USP8: variants seen among roughly 807,000 people sequenced by gnomAD.
USP8 encodes ubiquitin specific peptidase 8.
Under a neutral mutation model 130.0 loss-of-function variants are expected in USP8, and 27 were observed. The ratio of observed to expected loss-of-function variants is 0.21; its 90% CI spans 0.15 to 0.29. The LOEUF (loss-of-function observed/expected upper bound fraction) is 0.29, where lower values mean the gene tolerates loss of function less well. Ranked by LOEUF, USP8 falls within the 10% of genes least tolerant of loss-of-function variation. The pLI, the probability that USP8 is intolerant of heterozygous loss-of-function variation, is 1.00. For synonymous variants in USP8, 392 were observed against 444.1 expected, an observed-to-expected ratio of 0.88 and a Z score of 1.48; for missense variants, 1,029 against 1,312.2, an observed-to-expected ratio of 0.78 and a Z score of 3.33.
intron 4 of USP8, among the ~76,000 whole-genome samples, chr15:50,450,060 A>G (rs2050575584): frequency 6.7e-6 from 1 of 149,040 alleles, no homozygotes; most frequent in Non-Finnish European, 1.5e-5. Flanking sequence ...CACCCGGCTA[A>G]TTTTTTGTAT....
intron 17 of USP8, among the ~76,000 whole-genome samples, chr15:50,496,415 A>G (rs578107442): frequency 1.4e-5 from 2 of 146,772 alleles, no homozygotes; most frequent in Non-Finnish European, 3.0e-5. Context: ...CTGGAGGCGG[A>G]GTTTACAGTG....
chr15:50,476,160 A>G (rs2051560452), intron 8 of USP8, among the ~76,000 whole-genome samples: 1 of 152,184 alleles, frequency 6.6e-6, no homozygotes, highest in Admixed American at 6.5e-5. Flanking sequence ...GGCCATGTGC[A>G]GCGGCTCACG....
At chr15:50,468,951 G>A (rs1245133790) in intron 7 of USP8, among the ~76,000 whole-genome samples, 2 of 151,666 alleles carry the variant, frequency 1.3e-5, no homozygotes, top group East Asian at 1.9e-4. Flanking sequence ...GTTACTACCC[G>A]TATCCCACTG....
At chr15:50,451,154 T>C (rs537655003) in intron 4 of USP8, among the ~76,000 whole-genome samples, 1 of 152,334 alleles carries the variant, frequency 6.6e-6, no homozygotes, top group Admixed American at 6.5e-5. Context: ...AGTCCTGTAA[T>C]GCCTGCACTT....
intron 7 of USP8, among the ~76,000 whole-genome samples, chr15:50,469,065 A>G (rs977125485): frequency 2.0e-5 from 3 of 152,152 alleles, no homozygotes; most frequent in South Asian, 2.1e-4. Context: ...TCTGTCTTCT[A>G]TACCCAACCT....
chr15:50,466,315 T>G (rs1332106154), intron 7 of USP8, among the ~76,000 whole-genome samples: 4 of 152,094 alleles, frequency 2.6e-5, no homozygotes, highest in Non-Finnish European at 4.4e-5. Context: ...TTAGAGCTCT[T>G]AGGCCGGGCA....
intron 4 of USP8, among the ~76,000 whole-genome samples, chr15:50,452,804 G>A (rs1353537154): frequency 6.6e-6 from 1 of 152,174 alleles, no homozygotes; most frequent in Admixed American, 6.5e-5. Flanking sequence ...CAAACACTTA[G>A]ATGGTGTCTG....
intron 14 of USP8, 70 bp downstream of exon 14, chr15:50,490,595 A>T: frequency 1.3e-6 from 2 of 1,542,406 alleles, no homozygotes; most frequent in Non-Finnish European, 1.7e-6. Context: ...TGAATCTGTC[A>T]GTATGTTAGT....
chr15:50,458,265 C>T (rs1194656159), intron 4 of USP8, among the ~76,000 whole-genome samples: 1 of 152,164 alleles, frequency 6.6e-6, no homozygotes, highest in Non-Finnish European at 1.5e-5. Context: ...GATTCTCCTG[C>T]CTCAGCTTCC....
chr15:50,456,633 C>T (rs1293240592), intron 4 of USP8, among the ~76,000 whole-genome samples: 1 of 151,996 alleles, frequency 6.6e-6, no homozygotes, highest in South Asian at 2.1e-4. Flanking sequence ...CCCCTGTAAT[C>T]CCAGCACTTT....
At position 50,465,169 on chromosome 15, in the gene USP8, C is replaced by T. The variant is rs1443618535; in HGVS notation, c.664C>T (p.Pro222Ser). The change falls in exon 7 of 20, where the codon CCT becomes TCT. Residue 222 changes from proline to serine, a missense_variant. Around this residue, in one of 4 missense-constraint regions of USP8, gnomAD observed 281 missense variants for 336.7 expected, o/e 0.83. Coordinates refer to ENST00000307179, the MANE Select transcript of USP8 (RefSeq NM_005154.5). The stretch of plus-strand genomic sequence containing the variant: ...CTGTATTTTACATTCTCTCAGTGTT[C>T]CTGAAGAAGCCATCAGTCCAGGGTG... ...DSCILHSLSVPEEAISPGVTA... is the reference protein window; with the variant it reads ...DSCILHSLSVSEEAISPGVTA... 1 of 1,613,784 alleles carries T rather than the reference C, an allele frequency of 6.2e-7. No individual in the cohort carries two copies. The highest frequency in any genetic ancestry group is 2.2e-5 in the East Asian group (1 of 44,868).
chr15:50,497,427 G>A (rs2052459836), intron 18 of USP8, 196 bp downstream of exon 18: 1 of 453,102 alleles, frequency 2.2e-6, no homozygotes. Context: ...ACAGCAAAAT[G>A]ACAATACCAC....
intron 4 of USP8, among the ~76,000 whole-genome samples, chr15:50,450,036 G>A (rs1595919712): frequency 6.6e-6 from 1 of 151,176 alleles, no homozygotes; most frequent in East Asian, 2.0e-4. Flanking sequence ...TGGGACTACA[G>A]GCGCCCGCCA....
At chr15:50,446,383 T>A (rs752991564) in intron 3 of USP8, among the ~76,000 whole-genome samples, 2 of 113,146 alleles carry the variant, frequency 1.8e-5, no homozygotes, top group African/African-American at 7.1e-5. Flanking sequence ...AAACAATTTT[T>A]TGTGTTTAAA....
intron 7 of USP8, among the ~76,000 whole-genome samples, chr15:50,471,231 G>A (rs1303999630): frequency 6.6e-6 from 1 of 152,034 alleles, no homozygotes; most frequent in Non-Finnish European, 1.5e-5. Context: ...GGTATATGGT[G>A]GACTATTAAT....
At chr15:50,447,818 G>T (rs1316928976) in intron 3 of USP8, among the ~76,000 whole-genome samples, 1 of 151,002 alleles carries the variant, frequency 6.6e-6, no homozygotes, top group Non-Finnish European at 1.5e-5. Flanking sequence ...GCCCAGGCAG[G>T]TCTCAAACTC....
rs749631353 is a variant in USP8, at chr15:50,497,211, G to A, written c.3018G>A (p.Val1006=). ...KKIEIWKLPP[V]LLVHLKRFSY... is the part of the protein sequence containing the mutation. ...TAGAAATCTGGAAGTTACCACCTGTGCTTTTAGTGCATCTGAAACGGTAAA... is the reference window on the plus strand; with the variant it reads ...TAGAAATCTGGAAGTTACCACCTGTACTTTTAGTGCATCTGAAACGGTAAA... The change falls in exon 18 of 20, where the codon GTG becomes GTA. Residue 1006 remains valine (V), a synonymous_variant. Coordinates refer to ENST00000307179, the MANE Select transcript of USP8 (RefSeq NM_005154.5). 1.2e-6 allele frequency: 2 copies of A among 1,607,874 alleles called. No individual in the cohort carries two copies. The highest frequency in any genetic ancestry group is 3.4e-5 in the Admixed American group (2 of 58,574).
rs542709964 is a variant in USP8, at chr15:50,508,069, C to CAAAAAAAAAAAAA, written c.*8994_*9006dup. On this transcript the variant is annotated 3_prime_UTR_variant, in exon 20 of 20. Transcript: ENST00000307179. Reference sequence around the variant, plus strand: ...CGGGCGACAGTGCAAGACTCTGTCTCAAAAAAAAAAAAAAAAAAAAAAAAA... The same window carrying CAAAAAAAAAAAAA: ...CGGGCGACAGTGCAAGACTCTGTCTCAAAAAAAAAAAAAAAAAAAAAAAAAAAAAAAAAAAAAA... The CAAAAAAAAAAAAA allele has an allele frequency of 1.5e-5, 1 of 66,724 alleles. No homozygotes were observed. Among genetic ancestry groups the CAAAAAAAAAAAAA allele is most frequent in the Non-Finnish European group, 2.7e-5 (1 of 36,796 alleles). The allele number at this position is 66,724 out of a possible 1,614,324, so 4.1% of individuals were successfully genotyped here.
At chr15:50,461,891 T>G (rs1244608827) in intron 5 of USP8, among the ~76,000 whole-genome samples, 2 of 152,134 alleles carry the variant, frequency 1.3e-5, no homozygotes, top group Non-Finnish European at 2.9e-5. Context: ...AGCAATACTT[T>G]GTATTAGTTC....
Sources: gnomAD v4.1 joint callset for allele counts (sites outside exome capture counted in the v4.1 genomes callset) on GRCh38, gnomAD v4.1.1 for gene constraint, gnomAD v4.1.1 regional missense constraint, MANE v1.5 for transcripts, NCBI Gene and HGNC (gene_info 2026-07-23, HGNC 2026-07-21) for gene names.